Variants in KIAA1328 observed in about 807,000 individuals in gnomAD.
KIAA1328 encodes protein hinderin.
Under a neutral mutation model 68.1 loss-of-function variants are expected in KIAA1328, and 52 were observed. That is an observed-to-expected ratio of 0.76 (90% confidence interval 0.61 to 0.96). KIAA1328 has a LOEUF of 0.96. KIAA1328 is among the 40% of genes least tolerant of loss of function. KIAA1328 has a pLI of 0.00. For missense variants in KIAA1328, 641 were observed against 677.6 expected, an observed-to-expected ratio of 0.95 and a Z score of 0.60; for synonymous variants, 232 against 239.4, an observed-to-expected ratio of 0.97 and a Z score of 0.28.
At chr18:37,027,615 G>A (rs1316468780) in intron 6 of KIAA1328, among the ~76,000 whole-genome samples, 2 of 152,082 alleles carry the variant, frequency 1.3e-5, no homozygotes, top group East Asian at 3.9e-4. Flanking sequence ...CAAGAAATGG[G>A]GAAAGGATTC....
chr18:37,097,146 G>T (rs1378419438), intron 7 of KIAA1328, among the ~76,000 whole-genome samples: 1 of 152,150 alleles, frequency 6.6e-6, no homozygotes, highest in Non-Finnish European at 1.5e-5. Context: ...TGAAGTCCTT[G>T]CCCATGCCTA....
At chr18:37,136,465 A>G (rs1244681105) in intron 7 of KIAA1328, among the ~76,000 whole-genome samples, 1 of 152,266 alleles carries the variant, frequency 6.6e-6, no homozygotes, top group Non-Finnish European at 1.5e-5. Context: ...TATGGATTAT[A>G]AATCTAAGAA....
At chr18:36,867,967 A>G (rs975642539) in intron 4 of KIAA1328, among the ~76,000 whole-genome samples, 6 of 152,218 alleles carry the variant, frequency 3.9e-5, no homozygotes, top group Admixed American at 1.3e-4. Context: ...CTTTAATGTG[A>G]TTCAGCCATT....
chr18:37,059,412 T>C (rs1412379698), intron 6 of KIAA1328, among the ~76,000 whole-genome samples: 3 of 152,114 alleles, frequency 2.0e-5, no homozygotes, highest in Admixed American at 2.0e-4. Context: ...AGAAGACATT[T>C]ATGTGACCAA....
At chr18:36,958,271 TTTTG>T in intron 5 of KIAA1328, among the ~76,000 whole-genome samples, 1 of 152,316 alleles carries the variant, frequency 6.6e-6, no homozygotes, top group Middle Eastern at 3.4e-3. Context: ...ATATACAAGT[TTTTG>T]TGTGTACATA....
intron 7 of KIAA1328, among the ~76,000 whole-genome samples, chr18:37,147,755 A>G (rs1227859459): frequency 6.6e-6 from 1 of 152,126 alleles, no homozygotes; most frequent in East Asian, 1.9e-4. Flanking sequence ...CCTCCATTCT[A>G]TGTCAGAACT....
At chr18:37,220,718 C>T (rs1320510002) in intron 9 of KIAA1328, among the ~76,000 whole-genome samples, 1 of 152,250 alleles carries the variant, frequency 6.6e-6, no homozygotes, top group Non-Finnish European at 1.5e-5. Flanking sequence ...CCTCTCACCA[C>T]TGCTGCTTCT....
intron 9 of KIAA1328, among the ~76,000 whole-genome samples, chr18:37,197,893 T>C (rs954281821): frequency 6.6e-6 from 1 of 152,140 alleles, no homozygotes. Context: ...CTGAAACTTA[T>C]ATGTGAATGT....
At chr18:36,992,932 C>T (rs1200331699) in intron 6 of KIAA1328, among the ~76,000 whole-genome samples, 4 of 152,050 alleles carry the variant, frequency 2.6e-5, no homozygotes, top group Non-Finnish European at 2.9e-5. Flanking sequence ...GGTGAAACCT[C>T]GTCTCTACAA....
intron 7 of KIAA1328, among the ~76,000 whole-genome samples, chr18:37,073,318 A>G (rs1220154871): frequency 6.6e-6 from 1 of 152,236 alleles, no homozygotes; most frequent in East Asian, 1.9e-4. Flanking sequence ...AATTTACAAG[A>G]GGAAAAACAA....
At chr18:37,136,393 T>G (rs570284574) in intron 7 of KIAA1328, among the ~76,000 whole-genome samples, 10 of 152,362 alleles carry the variant, frequency 6.6e-5, no homozygotes, top group African/African-American at 2.4e-4. Context: ...CCTCATAGTG[T>G]CTTTCTCGTC....
rs184558375 is a variant in KIAA1328, at chr18:36,871,793, G to T, written c.333-13764G>T. On this transcript the variant is annotated intron_variant, in intron 4 of 9. Transcript: ENST00000280020. ...ATCTAAGGAGACTTATGCTGATAGG[G>T]AAAGACAGGTGTGAGTCCCAGCTAA... Among the ~76,000 whole-genome samples the T allele has an allele frequency of 1.3e-3, 200 of 152,160 alleles. 3 individuals are homozygous for T. The Middle Eastern group carries it at 0.024, about 18-fold the overall frequency.
chr18:37,150,585 AC>A (rs147633685), intron 7 of KIAA1328, among the ~76,000 whole-genome samples: 3,569 of 151,566 alleles, frequency 0.024, 66 homozygotes, highest in South Asian at 0.037. Flanking sequence ...AAAAAAAAAA[AC>A]CCCACAAAAA....
At chr18:37,084,281 T>C in intron 7 of KIAA1328, 1 of 1,091,008 alleles carries the variant, frequency 9.2e-7, no homozygotes, top group East Asian at 2.8e-5. Context: ...GCATAAATAT[T>C]TAGGATACGT....
intron 6 of KIAA1328, among the ~76,000 whole-genome samples, chr18:37,058,992 G>A (rs191469482): frequency 9.3e-5 from 14 of 151,146 alleles, no homozygotes; most frequent in Admixed American, 9.2e-4. Context: ...ACATTTCTCT[G>A]TTTATTATAT....
intron 7 of KIAA1328, among the ~76,000 whole-genome samples, chr18:37,085,888 A>G (rs919805912): frequency 6.6e-6 from 1 of 152,054 alleles, no homozygotes; most frequent in Non-Finnish European, 1.5e-5. Flanking sequence ...TCCTCTCAAT[A>G]TATCTATATC....
At chr18:37,020,432 G>A (rs1568300013) in intron 6 of KIAA1328, among the ~76,000 whole-genome samples, 1 of 152,156 alleles carries the variant, frequency 6.6e-6, no homozygotes, top group African/African-American at 2.4e-5. Context: ...CGAAACGTAA[G>A]TATTTCTTAA....
At chr18:37,104,559 G>A (rs1476568149) in intron 7 of KIAA1328, among the ~76,000 whole-genome samples, 1 of 152,084 alleles carries the variant, frequency 6.6e-6, no homozygotes, top group African/African-American at 2.4e-5. Flanking sequence ...ACACACAGAT[G>A]GAAGGAATAA....
intron 7 of KIAA1328, among the ~76,000 whole-genome samples, chr18:37,103,771 C>A (rs2057692666): frequency 6.6e-6 from 1 of 150,498 alleles, no homozygotes; most frequent in Admixed American, 6.7e-5. Flanking sequence ...GGACTAATAT[C>A]CTGAATACAC....
Sources: allele counts gnomAD v4.1 joint callset (sites outside exome capture counted in the v4.1 genomes callset), GRCh38; gene constraint gnomAD v4.1.1; transcripts MANE v1.5; gene names NCBI Gene and HGNC (gene_info 2026-07-23, HGNC 2026-07-21).